The following OPCML variants were observed in gnomAD, a reference collection of about 807,000 sequenced individuals.
The protein encoded by OPCML is opioid-binding protein/cell adhesion molecule.
OPCML carries 13 observed loss-of-function variants against 37.8 expected under a neutral mutation model. That is an observed-to-expected ratio of 0.34 (90% CI 0.22 to 0.55). The LOEUF is 0.55. OPCML is among the 20% of genes least tolerant of loss of function. The pLI, the probability that OPCML is intolerant of heterozygous loss-of-function variation, is 0.91. For synonymous variants in OPCML, 176 were observed against 168.8 expected (o/e 1.04, Z -0.33); for missense variants, 341 against 435.6 (o/e 0.78, Z 1.93).
At chr11:132,921,783 A>T (rs2136587316) in intron 2 of OPCML, among the ~76,000 whole-genome samples, 1 of 152,308 alleles carries the variant, frequency 6.6e-6, no homozygotes, top group Admixed American at 6.5e-5. Flanking sequence ...TGTAGCCATA[A>T]AAGGTGCTGA....
intron 1 of OPCML, among the ~76,000 whole-genome samples, chr11:133,507,355 T>C (rs1389823640): frequency 2.0e-5 from 3 of 152,172 alleles, no homozygotes; most frequent in African/African-American, 4.8e-5. Context: ...TCAATCCCCA[T>C]TTTCAAAGTG....
intron 1 of OPCML, chr11:133,117,728 T>C (rs1275621332): frequency 2.2e-6 from 2 of 902,484 alleles, no homozygotes; most frequent in African/African-American, 3.6e-5. Flanking sequence ...TTATCAACTG[T>C]AGGAAATGAA....
chr11:132,496,306 A>G (rs1233332055), intron 4 of OPCML, among the ~76,000 whole-genome samples: 1 of 152,208 alleles, frequency 6.6e-6, no homozygotes, highest in Non-Finnish European at 1.5e-5. Context: ...AATAAGTTCT[A>G]GAAGCATTTT....
chr11:133,458,215 TACAC>T (rs554923134), intron 1 of OPCML, among the ~76,000 whole-genome samples: 2 of 131,264 alleles, frequency 1.5e-5, no homozygotes, highest in African/African-American at 7.1e-5. Flanking sequence ...TGTGTATATA[TACAC>T]ATATATACAC....
At chr11:133,188,064 T>C in intron 1 of OPCML, among the ~76,000 whole-genome samples, 1 of 152,216 alleles carries the variant, frequency 6.6e-6, no homozygotes, top group East Asian at 1.9e-4. Flanking sequence ...CTAGGTTACC[T>C]AGCTTCGGAC....
At chr11:133,234,708 A>G (rs1039558115) in intron 1 of OPCML, among the ~76,000 whole-genome samples, 20 of 152,160 alleles carry the variant, frequency 1.3e-4, no homozygotes, top group African/African-American at 4.8e-4. Flanking sequence ...TCCAAGTTAA[A>G]CCATGCTAGT....
rs926961676 is a variant in OPCML, at chr11:133,177,528, A to G, written c.62-234518T>C. Among the ~76,000 whole-genome samples, 3 of 152,228 alleles carry G rather than the reference A, an allele frequency of 2.0e-5. No homozygotes were observed. Among genetic ancestry groups the G allele is most frequent in the African/African-American group, 7.2e-5 (3 of 41,462 alleles). ...CCTGATGGACAGGAAAGACTGCACCAGACCCTAGCTTTCCCAGGGAAAGGA... is the reference window on the plus strand; with the variant it reads ...CCTGATGGACAGGAAAGACTGCACCGGACCCTAGCTTTCCCAGGGAAAGGA... On this transcript the variant is annotated intron_variant, in intron 1 of 7. Transcript: ENST00000524381. The surrounding 1 kb of genome is among the most constrained non-coding windows in gnomAD (Gnocchi z 5.0).
chr11:133,416,955 G>A (rs1424939607), intron 1 of OPCML, among the ~76,000 whole-genome samples: 2 of 152,056 alleles, frequency 1.3e-5, no homozygotes, highest in African/African-American at 2.4e-5. Flanking sequence ...GGTGGGTGGG[G>A]GCTGTGGATT....
In OPCML at chr11:133,422,379, A is replaced by T. The variant is rs183733592; in HGVS notation, c.61+109885T>A. On this transcript the variant is annotated intron_variant, in intron 1 of 7. Transcript: ENST00000524381. ...TTTTTTCTCTCAGACCAAAGACATTATATATATATATATATGTATATATGC... is the reference window on the plus strand; with the variant it reads ...TTTTTTCTCTCAGACCAAAGACATTTTATATATATATATATGTATATATGC... The T allele has an allele frequency of 3.6e-3, 2,243 of 628,836 alleles. 296 individuals are homozygous for T. The African/African-American group carries it at 0.062, about 17-fold the overall frequency. 39.0% of individuals were successfully genotyped at this position (628,836 alleles called of 1,614,324 possible).
chr11:132,642,883 A>G (rs1940934062), intron 3 of OPCML, among the ~76,000 whole-genome samples: 1 of 152,198 alleles, frequency 6.6e-6, no homozygotes, highest in African/African-American at 2.4e-5. Context: ...TTCCATATAT[A>G]GGAATTAAGG....
intron 1 of OPCML, chr11:133,423,367 G>C: frequency 2.0e-6 from 2 of 985,374 alleles, no homozygotes; most frequent in Non-Finnish European, 2.4e-6. Flanking sequence ...AGATAACTGA[G>C]AGTGGACAGT....
At chr11:133,352,949 A>G (rs973944888) in intron 1 of OPCML, among the ~76,000 whole-genome samples, 5 of 152,206 alleles carry the variant, frequency 3.3e-5, no homozygotes, top group Admixed American at 3.3e-4. Flanking sequence ...TACCATTACC[A>G]TGGAGATAAT....
chr11:132,566,544 G>A (rs142633656), intron 3 of OPCML, among the ~76,000 whole-genome samples: 1 of 152,308 alleles, frequency 6.6e-6, no homozygotes, highest in East Asian at 1.9e-4. Context: ...ACAGTCACTT[G>A]GAAATGTGTG....
chr11:132,990,109 A>C (rs1946749385), intron 1 of OPCML, among the ~76,000 whole-genome samples: 1 of 152,184 alleles, frequency 6.6e-6, no homozygotes, highest in Admixed American at 6.5e-5. Flanking sequence ...TTCAGACAGC[A>C]ATCCATAGCA....
intron 2 of OPCML, among the ~76,000 whole-genome samples, chr11:132,670,597 G>C (rs1472357237): frequency 6.6e-6 from 1 of 152,050 alleles, no homozygotes; most frequent in Non-Finnish European, 1.5e-5. Context: ...ATTTTAATAA[G>C]AAGTATATAA....
At chr11:132,671,300 T>G (rs7942048) in intron 2 of OPCML, among the ~76,000 whole-genome samples, 1 of 152,150 alleles carries the variant, frequency 6.6e-6, no homozygotes, top group African/African-American at 2.4e-5. Context: ...ATACAGATTA[T>G]GCGAACTGTC....
rs113790417 is a variant in OPCML, at chr11:133,044,350, G to A, written c.62-101340C>T. Among the ~76,000 whole-genome samples the A allele has an allele frequency of 6.2e-3, 947 of 152,278 alleles. 17 individuals carry two copies. The highest frequency in any genetic ancestry group is 0.022 in the African/African-American group (906 of 41,564). On this transcript the variant is annotated intron_variant, in intron 1 of 7. Coordinates refer to ENST00000524381, the MANE Select transcript of OPCML (RefSeq NM_001012393.5). ...AGGAGATAAGCAATGGCCAGATCACGCAATGCTTTGTAAGCTATGACTCTT... is the reference window on the plus strand; with the variant it reads ...AGGAGATAAGCAATGGCCAGATCACACAATGCTTTGTAAGCTATGACTCTT...
intron 2 of OPCML, among the ~76,000 whole-genome samples, chr11:132,873,795 G>A (rs907312987): frequency 8.6e-5 from 13 of 150,468 alleles, no homozygotes; most frequent in African/African-American, 2.9e-4. Flanking sequence ...GAGAAGAATA[G>A]TAGCTAAAAC....
chr11:132,791,070 G>C (rs1937873190), intron 2 of OPCML, among the ~76,000 whole-genome samples: 1 of 152,180 alleles, frequency 6.6e-6, no homozygotes, highest in South Asian at 2.1e-4. Context: ...GACTGGCTGT[G>C]GGGTATTGTA....
Sources: allele counts gnomAD v4.1 joint callset (sites outside exome capture counted in the v4.1 genomes callset), GRCh38; gene constraint gnomAD v4.1.1; non-coding constraint Gnocchi (gnomAD v3.1); transcripts MANE v1.5; gene names NCBI Gene and HGNC (gene_info 2026-07-23, HGNC 2026-07-21).